The following CRADD variants were observed in gnomAD, a reference collection of about 807,000 sequenced individuals.
CRADD encodes death domain-containing protein CRADD.
Under a neutral mutation model 15.5 loss-of-function variants are expected in CRADD, and 9 were observed. The ratio of observed to expected loss-of-function variants is 0.58; its 90% CI spans 0.35 to 1.01. CRADD has a LOEUF of 1.01. CRADD is among the 50% of genes least tolerant of loss of function. The pLI, the probability that CRADD is intolerant of heterozygous loss-of-function variation, is 0.02. For synonymous variants in CRADD, 118 were observed against 107.6 expected (o/e 1.10, Z -0.60); for missense variants, 227 against 250.3 (o/e 0.91, Z 0.63).
intron 2 of CRADD, among the ~76,000 whole-genome samples, chr12:93,712,953 T>A (rs1956099929): frequency 6.6e-6 from 1 of 152,190 alleles, no homozygotes; most frequent in South Asian, 2.1e-4. Flanking sequence ...ACTCCCTGAC[T>A]TCAGACCAGT....
At chr12:93,891,620 A>T (rs1482441088) in intron 2 of CRADD, among the ~76,000 whole-genome samples, 4 of 152,196 alleles carry the variant, frequency 2.6e-5, no homozygotes, top group Admixed American at 6.5e-5. Context: ...AGGGGTTAAC[A>T]CCCAGCTGTT....
At chr12:93,854,268 G>A (rs989414925), downstream of CRADD, among the ~76,000 whole-genome samples, 3 of 152,188 alleles carry the variant, frequency 2.0e-5, no homozygotes, top group Non-Finnish European at 2.9e-5. Flanking sequence ...CCTCACTCAT[G>A]TGTCTGGAAA....
intron 2 of CRADD, among the ~76,000 whole-genome samples, chr12:93,835,170 T>C (rs1054367162): frequency 2.0e-5 from 3 of 152,246 alleles, no homozygotes; most frequent in Admixed American, 1.3e-4. Flanking sequence ...TTAGTTTTTT[T>C]TCATGTTCAA....
chr12:93,731,690 C>T (rs938451097), intron 2 of CRADD, among the ~76,000 whole-genome samples: 2 of 152,154 alleles, frequency 1.3e-5, no homozygotes, highest in African/African-American at 4.8e-5. Flanking sequence ...GCTATGTTTG[C>T]TTAACAAATA....
chr12:93,828,089 A>G (rs900966383), intron 2 of CRADD, among the ~76,000 whole-genome samples: 8 of 152,308 alleles, frequency 5.3e-5, no homozygotes, highest in Non-Finnish European at 8.8e-5. Context: ...CTTTTTAAGT[A>G]TTTATTTGCC....
intron 2 of CRADD, among the ~76,000 whole-genome samples, chr12:93,732,517 T>A (rs1956484360): frequency 6.6e-6 from 1 of 152,252 alleles, no homozygotes; most frequent in African/African-American, 2.4e-5. Context: ...GCAGTAGTTA[T>A]TTTGAATTAT....
intron 2 of CRADD, among the ~76,000 whole-genome samples, chr12:93,770,021 T>C (rs892749882): frequency 5.9e-5 from 9 of 152,194 alleles, no homozygotes; most frequent in African/African-American, 9.6e-5. Flanking sequence ...TTTCTCTTTG[T>C]TGTTAGTACT....
At chr12:93,782,930 G>C (rs1221864125) in intron 2 of CRADD, among the ~76,000 whole-genome samples, 2 of 152,098 alleles carry the variant, frequency 1.3e-5, no homozygotes, top group African/African-American at 2.4e-5. Context: ...TATAATAATT[G>C]TTGAAGCTTG....
At position 93,718,761 on chromosome 12, in the gene CRADD, T is replaced by C. The variant is rs370394247; in HGVS notation, c.298+39689T>C. 3.3e-5 allele frequency among the ~76,000 whole-genome samples: 5 copies of C among 151,478 alleles called. No homozygotes were observed. The East Asian group carries it at 7.7e-4, about 23-fold the overall frequency. Reference sequence around the variant, plus strand: ...TCTTAGTGGGAAAGTCTCAATTTTCTCTCTTTTTTTTTTTTTGAGACACGG... The same window carrying C: ...TCTTAGTGGGAAAGTCTCAATTTTCCCTCTTTTTTTTTTTTTGAGACACGG... On this transcript the variant is annotated intron_variant, in intron 2 of 2. Transcript: ENST00000332896.
At chr12:93,740,614 T>A (rs1462104638) in intron 2 of CRADD, among the ~76,000 whole-genome samples, 2 of 152,224 alleles carry the variant, frequency 1.3e-5, no homozygotes, top group South Asian at 2.1e-4. Flanking sequence ...GTGAAAGCCA[T>A]ATTCTTAACA....
chr12:93,807,923 C>T (rs1203026417), intron 2 of CRADD, among the ~76,000 whole-genome samples: 1 of 108,208 alleles, frequency 9.2e-6, no homozygotes, highest in South Asian at 3.1e-4. Flanking sequence ...GTCTGACAGG[C>T]AATAAGCATT....
At chr12:93,826,455 G>A (rs1957825168) in intron 2 of CRADD, among the ~76,000 whole-genome samples, 1 of 152,172 alleles carries the variant, frequency 6.6e-6, no homozygotes, top group South Asian at 2.1e-4. Context: ...GAGATGTCAG[G>A]ATCCCAAGTC....
intron 2 of CRADD, chr12:93,837,506 G>A (rs60169972): frequency 2.0e-5 from 3 of 151,998 alleles, no homozygotes; most frequent in African/African-American, 7.2e-5. Flanking sequence ...GACCTCAGGT[G>A]ATCCACCCGC....
chr12:93,686,853 G>A (rs2136804017), intron 2 of CRADD, among the ~76,000 whole-genome samples: 1 of 151,906 alleles, frequency 6.6e-6, no homozygotes, highest in East Asian at 1.9e-4. Context: ...GTTTGAAATG[G>A]AATTGTATTA....
At position 93,795,484 on chromosome 12, in the gene CRADD, G is replaced by A. The variant is rs114090262; in HGVS notation, c.299-54486G>A. Among the ~76,000 whole-genome samples, 702 of 152,258 alleles carry A rather than the reference G, an allele frequency of 4.6e-3. 6 individuals are homozygous for A. Among genetic ancestry groups the A allele is most frequent in the African/African-American group, 0.016 (672 of 41,544 alleles). On this transcript the variant is annotated intron_variant, in intron 2 of 2. Coordinates refer to ENST00000332896, the MANE Select transcript of CRADD (RefSeq NM_003805.5). ...TCCAGTTTCCTAGTTTCTCAGAAAG[G>A]AATATTTCATGGCTGCTCGCACGTC...
chr12:93,761,390 G>A (rs1228890664), intron 2 of CRADD, among the ~76,000 whole-genome samples: 1 of 152,098 alleles, frequency 6.6e-6, no homozygotes, highest in East Asian at 1.9e-4. Flanking sequence ...GATGATGATG[G>A]TGGCTTAAAC....
chr12:93,863,666 G>A (rs1004011294), intron 2 of CRADD, among the ~76,000 whole-genome samples: 2 of 145,224 alleles, frequency 1.4e-5, no homozygotes, highest in African/African-American at 5.1e-5. Context: ...ATACATTGGC[G>A]GGGGTTAGGG....
Position 93,862,409 on chromosome 12 carries a change from C to T in CRADD, c.299-31641C>T, listed in dbSNP as rs528769123. Among the ~76,000 whole-genome samples, 7 of 152,176 alleles carry T rather than the reference C, an allele frequency of 4.6e-5. No homozygotes were observed. In the South Asian group the frequency reaches 1.0e-3, roughly 23 times the overall value. On this transcript the variant is annotated intron_variant, in intron 2 of 2. Transcript: ENST00000548483. ...ACAGTTTCACAGTAGAAAGAAAGTT[C>T]GCTGTAGGGAATAGGAGTTAAGGAG...
At chr12:93,852,469 C>T (rs1431944586), downstream of CRADD, among the ~76,000 whole-genome samples, 3 of 152,256 alleles carry the variant, frequency 2.0e-5, no homozygotes, top group African/African-American at 7.2e-5. Flanking sequence ...CCTTAGAGAC[C>T]TCTGACTTGT....
Sources: gnomAD v4.1 joint callset for allele counts (sites outside exome capture counted in the v4.1 genomes callset) on GRCh38, gnomAD v4.1.1 for gene constraint, MANE v1.5 for transcripts, NCBI Gene and HGNC (gene_info 2026-07-23, HGNC 2026-07-21) for gene names.